PABPC4L: variants seen among roughly 807,000 people sequenced by gnomAD.
PABPC4L encodes poly(A) binding protein cytoplasmic 4 like, also known as polyadenylate-binding protein 4-like.
For synonymous variants in PABPC4L, 169 were observed against 164.1 expected (o/e 1.03, Z -0.23); for missense variants, 452 against 451.4 (o/e 1.00, Z -0.01).
chr4:134,150,670 T>C, the PABPC4L span, among the ~76,000 whole-genome samples: 1 of 152,122 alleles, frequency 6.6e-6, no homozygotes, highest in Non-Finnish European at 1.5e-5. Flanking sequence ...GGACTCCTGG[T>C]ACAAAGATTT....
At chr4:134,104,402 T>A in the PABPC4L span, among the ~76,000 whole-genome samples, 1 of 151,754 alleles carries the variant, frequency 6.6e-6, no homozygotes, top group South Asian at 2.1e-4. Context: ...TAATAGCTTG[T>A]TAGATATTTG....
At chr4:134,070,142 TC>T in the PABPC4L span, among the ~76,000 whole-genome samples, 4 of 151,994 alleles carry the variant, frequency 2.6e-5, no homozygotes, top group African/African-American at 7.3e-5. Context: ...TTCATGTTGG[TC>T]CCCAGCTTTG....
chr4:134,192,671 A>G (rs1729544332), downstream of PABPC4L, among the ~76,000 whole-genome samples: 1 of 152,152 alleles, frequency 6.6e-6, no homozygotes, highest in East Asian at 1.9e-4. Context: ...ACACAACAGA[A>G]GAATATGATG....
At chr4:134,135,400 C>A in the PABPC4L span, among the ~76,000 whole-genome samples, 2 of 152,082 alleles carry the variant, frequency 1.3e-5, no homozygotes, top group African/African-American at 4.8e-5. Flanking sequence ...CACTTCCTGT[C>A]AAATGTTTAT....
At chr4:134,082,034 A>G in the PABPC4L span, among the ~76,000 whole-genome samples, 5 of 152,124 alleles carry the variant, frequency 3.3e-5, no homozygotes, top group Non-Finnish European at 5.9e-5. Flanking sequence ...GTGAAATGAC[A>G]TGTTCTGGAA....
At chr4:134,015,003 T>C in the PABPC4L span, among the ~76,000 whole-genome samples, 2 of 152,062 alleles carry the variant, frequency 1.3e-5, no homozygotes, top group East Asian at 3.9e-4. Flanking sequence ...GCCACCCTTC[T>C]TCCCAATCCA....
At chr4:134,020,235 G>A in the PABPC4L span, among the ~76,000 whole-genome samples, 2 of 152,080 alleles carry the variant, frequency 1.3e-5, no homozygotes, top group Non-Finnish European at 2.9e-5. Flanking sequence ...CGTAGATAGA[G>A]TGGGATGTTC....
At chr4:134,000,432 T>C in the PABPC4L span, among the ~76,000 whole-genome samples, 87 of 152,126 alleles carry the variant, frequency 5.7e-4, no homozygotes, top group Non-Finnish European at 8.5e-4. Context: ...CAAATAACAT[T>C]TTAAGTGCCT....
chr4:134,072,379 A>G, the PABPC4L span, among the ~76,000 whole-genome samples: 1 of 152,186 alleles, frequency 6.6e-6, no homozygotes. Context: ...TGTTAAACCT[A>G]GAACTAGCAG....
the PABPC4L span, among the ~76,000 whole-genome samples, chr4:134,008,387 T>A: frequency 6.6e-6 from 1 of 151,722 alleles, no homozygotes; most frequent in South Asian, 2.1e-4. Context: ...ATGTGGAAAA[T>A]TTGATTGTTG....
the PABPC4L span, among the ~76,000 whole-genome samples, chr4:134,096,334 T>C: frequency 2.6e-5 from 4 of 152,082 alleles, no homozygotes; most frequent in South Asian, 8.3e-4. Flanking sequence ...AGTATGAAAA[T>C]ACTTTTACTT....
chr4:134,138,571 T>C, the PABPC4L span, among the ~76,000 whole-genome samples: 1 of 151,826 alleles, frequency 6.6e-6, no homozygotes, highest in African/African-American at 2.4e-5. Context: ...TAAATGCTTT[T>C]TCAGTGGTAG....
the PABPC4L span, among the ~76,000 whole-genome samples, chr4:134,060,149 C>T: frequency 6.6e-6 from 1 of 152,062 alleles, no homozygotes; most frequent in Non-Finnish European, 1.5e-5. Flanking sequence ...AGCATTTAGA[C>T]CAGCTCTCAC....
the PABPC4L span, among the ~76,000 whole-genome samples, chr4:134,145,742 C>T: frequency 6.6e-6 from 1 of 151,866 alleles, no homozygotes; most frequent in African/African-American, 2.4e-5. Flanking sequence ...CTAGTACTCT[C>T]TAAAATGTTT....
chr4:134,124,236 G>A, the PABPC4L span, among the ~76,000 whole-genome samples: 1 of 151,914 alleles, frequency 6.6e-6, no homozygotes, highest in Non-Finnish European at 1.5e-5. Flanking sequence ...AAGCACTCAG[G>A]GTACATAAGA....
At chr4:134,153,280 A>G in the PABPC4L span, among the ~76,000 whole-genome samples, 4 of 152,042 alleles carry the variant, frequency 2.6e-5, no homozygotes, top group Non-Finnish European at 2.9e-5. Context: ...TTCTGCCTTC[A>G]TAGTGTTTTA....
Position 134,200,396 on chromosome 4 carries a change from G to A in PABPC4L, c.624C>T (p.Asp208=), listed in dbSNP as rs1405980311. 6.4e-7 allele frequency: 1 copy of A among 1,562,922 alleles called. No individual in the cohort carries two copies. Among genetic ancestry groups the A allele is most frequent in the Non-Finnish European group, 8.7e-7 (1 of 1,152,704 alleles). ...GAGTTTTGCCATATTTGCTGAAAAC[G>A]TCCTTCAATCTCTCATCATCCATGT... ...GGDMDDERLK[D]VFSKYGKTLS... is the part of the protein sequence containing the mutation. The change falls in exon 2 of 2, where the codon GAC becomes GAT. Residue 208 remains aspartate (D), a synonymous_variant. Coordinates refer to ENST00000421491, the MANE Select transcript of PABPC4L (RefSeq NM_001114734.2).
At position 134,199,834 on chromosome 4, in the gene PABPC4L, T is replaced by C; in HGVS notation, c.*73A>G. 6.7e-7 allele frequency: 1 copy of C among 1,494,824 alleles called. No individual in the cohort carries two copies. Among genetic ancestry groups the C allele is most frequent in the Non-Finnish European group, 8.9e-7 (1 of 1,120,150 alleles). The allele number at this position is 1,494,824 out of a possible 1,614,324, so 92.6% of individuals were successfully genotyped here. A position where few individuals can be genotyped will look rare whatever the true frequency, so the allele number is the denominator to read the frequency against. Reference sequence around the variant, plus strand: ...ATGTGGAATATGAAATTTACTGAGGTCAATTCAGGCAGAGATCACTATCAT... The same window carrying C: ...ATGTGGAATATGAAATTTACTGAGGCCAATTCAGGCAGAGATCACTATCAT... On this transcript the variant is annotated 3_prime_UTR_variant, in exon 2 of 2. Transcript: ENST00000421491.
the PABPC4L span, among the ~76,000 whole-genome samples, chr4:134,098,155 G>A: frequency 6.6e-6 from 1 of 151,718 alleles, no homozygotes; most frequent in South Asian, 2.1e-4. Context: ...GTTAGGACAG[G>A]AGGCTAAGAG....
Sources: allele counts gnomAD v4.1 joint callset (sites outside exome capture counted in the v4.1 genomes callset), GRCh38; gene constraint gnomAD v4.1.1; transcripts MANE v1.5; gene names NCBI Gene and HGNC (gene_info 2026-07-23, HGNC 2026-07-21).